The following CIB4 variants were observed in gnomAD, a reference collection of about 807,000 sequenced individuals.
The protein encoded by CIB4 is calcium and integrin-binding family member 4.
A neutral mutation model predicts 25.8 loss-of-function variants in CIB4; 25 were observed. The observed-to-expected ratio is 0.97, with a 90% CI of 0.71 to 1.35. CIB4 has a LOEUF of 1.35. CIB4 is among the 40% of genes most tolerant of loss of function. The probability of loss-of-function intolerance (pLI) is 0.00; values close to 1 mark genes in which losing one functional copy is unlikely to be tolerated. For synonymous variants in CIB4, 75 were observed against 81.4 expected, an observed-to-expected ratio of 0.92 and a Z score of 0.42; for missense variants, 235 against 228.2, an observed-to-expected ratio of 1.03 and a Z score of -0.19.
chr2:26,605,566 A>C (rs1022139537), intron 3 of CIB4: 33 of 470,838 alleles, frequency 7.0e-5, no homozygotes, highest in Non-Finnish European at 1.3e-4. Context: ...ACTGCCTAGG[A>C]GGAATTCCTA....
Position 26,582,899 on chromosome 2 carries a change from C to T in CIB4, c.453G>A (p.Ser151=), listed in dbSNP as rs368725686. The change falls in exon 6 of 7, where the codon TCG becomes TCA. Residue 151 remains serine, a synonymous_variant. Coordinates refer to ENST00000288861, the MANE Select transcript of CIB4 (RefSeq NM_001029881.3). ...ACAGCATGTTGTCATTGTCCAGATC[C>T]GACTCACTCAGGACCTGGCGAGGGA... ...MDLTNHVLSE[S]DLDNDNMLSF... The T allele has an allele frequency of 3.0e-5, 48 of 1,612,934 alleles. No homozygotes were observed. The highest frequency in any genetic ancestry group is 2.5e-4 in the East Asian group (11 of 44,872).
At chr2:26,630,083 C>A (rs1327639777) in intron 2 of CIB4, among the ~76,000 whole-genome samples, 1 of 152,196 alleles carries the variant, frequency 6.6e-6, no homozygotes, top group Non-Finnish European at 1.5e-5. Flanking sequence ...ACTGGTCTTC[C>A]TAATCATCCC....
At chr2:26,597,340 GT>G (rs557514718) in intron 3 of CIB4, among the ~76,000 whole-genome samples, 115 of 152,078 alleles carry the variant, frequency 7.6e-4, no homozygotes, top group African/African-American at 2.7e-3. Context: ...CTTTTAATTG[GT>G]GAATGGGGTT....
chr2:26,593,394 A>C (rs775349930), intron 4 of CIB4, among the ~76,000 whole-genome samples: 2 of 146,550 alleles, frequency 1.4e-5, no homozygotes, highest in African/African-American at 2.8e-5. Context: ...ACACACACAC[A>C]TATATACACA....
intron 2 of CIB4, among the ~76,000 whole-genome samples, chr2:26,632,529 G>A (rs1433559030): frequency 6.6e-6 from 1 of 152,138 alleles, no homozygotes; most frequent in Non-Finnish European, 1.5e-5. Flanking sequence ...GGCTGAGGCA[G>A]GCGGATCACT....
intron 2 of CIB4, among the ~76,000 whole-genome samples, chr2:26,631,530 C>T (rs1427745600): frequency 1.3e-5 from 2 of 152,252 alleles, no homozygotes; most frequent in Middle Eastern, 3.4e-3. Context: ...AGTGGAGACT[C>T]AGAGGTAGAG....
chr2:26,589,078 T>TTCCTCC (rs1668525602), intron 4 of CIB4, among the ~76,000 whole-genome samples: 8 of 32,574 alleles, frequency 2.5e-4, no homozygotes, highest in African/African-American at 1.1e-3. Flanking sequence ...CTTCCTCTTC[T>TTCCTCC]TCTTCTTCTT....
chr2:26,619,322 T>C (rs1470523289), intron 3 of CIB4, among the ~76,000 whole-genome samples: 1 of 152,078 alleles, frequency 6.6e-6, no homozygotes, highest in Non-Finnish European at 1.5e-5. Flanking sequence ...AGGAGGGCAG[T>C]ACAGGACCAG....
At chr2:26,629,117 G>A (rs1401234624) in intron 3 of CIB4, among the ~76,000 whole-genome samples, 1 of 152,204 alleles carries the variant, frequency 6.6e-6, no homozygotes, top group Non-Finnish European at 1.5e-5. Context: ...GGTAAGGCCT[G>A]GAGCAGGTCT....
intron 3 of CIB4, among the ~76,000 whole-genome samples, chr2:26,625,403 A>G (rs1572568032): frequency 7.6e-6 from 1 of 130,724 alleles, no homozygotes; most frequent in South Asian, 2.4e-4. Flanking sequence ...CCCAGGCTGG[A>G]GTGCAATGGC....
chr2:26,595,161 C>G lies in CIB4; in HGVS notation c.328+15G>C. Reference sequence around the variant, plus strand: ...CCTTTCCACCCCTCACCCCTCAGTCCCCCACAGCACCTACCATAGATGCGA... The same window carrying G: ...CCTTTCCACCCCTCACCCCTCAGTCGCCCACAGCACCTACCATAGATGCGA... On this transcript the variant is annotated intron_variant, in intron 4 of 6. Coordinates refer to ENST00000288861, the MANE Select transcript of CIB4 (RefSeq NM_001029881.3). 6.3e-7 allele frequency: 1 copy of G among 1,598,370 alleles called. No individual in the cohort carries two copies. Among genetic ancestry groups the G allele is most frequent in the Non-Finnish European group, 8.6e-7 (1 of 1,166,920 alleles).
chr2:26,616,262 C>T (rs549868761), intron 3 of CIB4, among the ~76,000 whole-genome samples: 1 of 152,302 alleles, frequency 6.6e-6, no homozygotes, highest in African/African-American at 2.4e-5. Context: ...TGAGGTCAGC[C>T]GAATGCAGCA....
At chr2:26,622,277 C>T (rs1669218537) in intron 3 of CIB4, among the ~76,000 whole-genome samples, 1 of 152,116 alleles carries the variant, frequency 6.6e-6, no homozygotes, top group Non-Finnish European at 1.5e-5. Context: ...AGGAGAATTG[C>T]TTGAACCCAA....
intron 3 of CIB4, among the ~76,000 whole-genome samples, chr2:26,611,250 G>A (rs1047679839): frequency 1.3e-5 from 2 of 152,250 alleles, no homozygotes; most frequent in African/African-American, 4.8e-5. Context: ...GGCCAGCACT[G>A]CTGTGGCGCC....
chr2:26,589,802 C>T (rs1015150592), intron 4 of CIB4, among the ~76,000 whole-genome samples: 4 of 152,100 alleles, frequency 2.6e-5, no homozygotes, highest in South Asian at 2.1e-4. Context: ...CCAAAAATGC[C>T]GGGTGGGGCT....
At chr2:26,585,807 G>A (rs1459658680) in intron 4 of CIB4, among the ~76,000 whole-genome samples, 1 of 151,872 alleles carries the variant, frequency 6.6e-6, no homozygotes, top group African/African-American at 2.4e-5. Flanking sequence ...CTGCCTTCCT[G>A]CTCCTACCCA....
At chr2:26,639,060 T>C (rs1001350058) in intron 2 of CIB4, among the ~76,000 whole-genome samples, 4 of 151,976 alleles carry the variant, frequency 2.6e-5, no homozygotes, top group Admixed American at 6.6e-5. Context: ...GGCTTATGTA[T>C]GGAAAATTCT....
At chr2:26,614,912 C>A (rs976114687) in intron 3 of CIB4, among the ~76,000 whole-genome samples, 1 of 152,242 alleles carries the variant, frequency 6.6e-6, no homozygotes, top group Admixed American at 6.5e-5. Context: ...AAGGATAATG[C>A]GCCCTGCTCT....
At chr2:26,601,274 G>T (rs1203733333) in intron 3 of CIB4, among the ~76,000 whole-genome samples, 1 of 136,644 alleles carries the variant, frequency 7.3e-6, no homozygotes, top group East Asian at 2.0e-4. Context: ...ATATATGCAT[G>T]CTAAGCCTTT....
Sources: gnomAD v4.1 joint callset for allele counts (sites outside exome capture counted in the v4.1 genomes callset) on GRCh38, gnomAD v4.1.1 for gene constraint, MANE v1.5 for transcripts, NCBI Gene and HGNC (gene_info 2026-07-23, HGNC 2026-07-21) for gene names.